LRBA: variants seen among roughly 807,000 people sequenced by gnomAD.
The protein encoded by LRBA is LPS responsive beige-like anchor protein, also known as lipopolysaccharide-responsive and beige-like anchor protein.
In LRBA, 176 loss-of-function variants were observed where a neutral mutation model predicts 330.0. That is an observed-to-expected ratio of 0.53 (90% CI 0.47 to 0.60). The LOEUF (loss-of-function observed/expected upper bound fraction) is 0.60. Among genes scored for constraint, LRBA ranks in the 20% least tolerant of loss-of-function variants. LRBA has a pLI of 0.00. For missense variants in LRBA, 3,259 were observed against 3,444.8 expected, an observed-to-expected ratio of 0.95 and a Z score of 1.35; for synonymous variants, 1,230 against 1,193.0, an observed-to-expected ratio of 1.03 and a Z score of -0.64.
chr4:150,825,974 AC>A (rs1323065303), intron 30 of LRBA, among the ~76,000 whole-genome samples: 1 of 152,118 alleles, frequency 6.6e-6, no homozygotes, highest in Admixed American at 6.5e-5. Flanking sequence ...AGGCAAAAAA[AC>A]AAACAAACAA....
chr4:150,502,130 G>T (rs773462882), intron 40 of LRBA, among the ~76,000 whole-genome samples: 10 of 152,188 alleles, frequency 6.6e-5, no homozygotes, highest in Non-Finnish European at 1.5e-4. Context: ...ACCAAGCTAT[G>T]AAAGAAAACA....
chr4:150,869,170 T>G (rs771495283), intron 20 of LRBA, among the ~76,000 whole-genome samples: 114 of 151,478 alleles, frequency 7.5e-4, no homozygotes, highest in Non-Finnish European at 8.7e-4. Flanking sequence ...CCACCTGCCT[T>G]GGCGTCCCAA....
At chr4:150,298,428 G>A (rs1219202566) in intron 53 of LRBA, among the ~76,000 whole-genome samples, 1 of 152,036 alleles carries the variant, frequency 6.6e-6, no homozygotes, top group African/African-American at 2.4e-5. Context: ...TAGCAGGAAT[G>A]TCTCATTAGG....
chr4:150,346,757 C>CCAAAAAAAAA (rs1206950764), intron 48 of LRBA, among the ~76,000 whole-genome samples: 2 of 66,136 alleles, frequency 3.0e-5, no homozygotes, highest in African/African-American at 1.6e-4. Flanking sequence ...GACTCTGTCT[C>CCAAAAAAAAA]AAAAAAAAAA....
chr4:150,505,577 A>G (rs1373952071), intron 40 of LRBA, among the ~76,000 whole-genome samples: 1 of 152,266 alleles, frequency 6.6e-6, no homozygotes, highest in Non-Finnish European at 1.5e-5. Flanking sequence ...ACACATTCAA[A>G]GCAGTGTGTA....
chr4:150,273,105 C>T (rs1470864084), intron 56 of LRBA, among the ~76,000 whole-genome samples: 6 of 152,256 alleles, frequency 3.9e-5, no homozygotes, highest in African/African-American at 4.8e-5. Flanking sequence ...AGACTAACAG[C>T]GGATCTCTCA....
chr4:150,962,821 GCATGTGC>G (rs1738297948), intron 2 of LRBA, among the ~76,000 whole-genome samples: 1 of 147,728 alleles, frequency 6.8e-6, no homozygotes, highest in Non-Finnish European at 1.5e-5. Flanking sequence ...GGGCGTGGTG[GCATGTGC>G]CTATAATCCC....
chr4:150,365,206 C>T (rs9307875), intron 47 of LRBA, among the ~76,000 whole-genome samples: 8,357 of 152,014 alleles, frequency 0.055, 386 homozygotes, highest in East Asian at 0.2. Context: ...AGAGTTTCAC[C>T]ATGTTGCCCA....
intron 2 of LRBA, among the ~76,000 whole-genome samples, chr4:150,996,327 A>C (rs1742641015): frequency 6.6e-6 from 1 of 152,192 alleles, no homozygotes; most frequent in Admixed American, 6.5e-5. Context: ...GCAAAATAGT[A>C]CTACTCTGAT....
At chr4:150,849,709 T>C (rs1440850033) in intron 24 of LRBA, 134 bp from the exon 25 acceptor site, 1 of 673,172 alleles carries the variant, frequency 1.5e-6, no homozygotes, top group Non-Finnish European at 2.6e-6. Flanking sequence ...GCAGCAGGCA[T>C]TTGGAGGGTG....
intron 40 of LRBA, among the ~76,000 whole-genome samples, chr4:150,543,062 T>C (rs1022219479): frequency 1.3e-5 from 2 of 152,198 alleles, no homozygotes; most frequent in Admixed American, 1.3e-4. Flanking sequence ...ACATATTTAT[T>C]AACTCAAGGG....
At chr4:150,355,063 T>G (rs1303460514) in intron 47 of LRBA, among the ~76,000 whole-genome samples, 1 of 151,968 alleles carries the variant, frequency 6.6e-6, no homozygotes, top group Non-Finnish European at 1.5e-5. Flanking sequence ...ATAAAAAGTG[T>G]TATATAAAAT....
intron 37 of LRBA, among the ~76,000 whole-genome samples, chr4:150,678,364 T>C (rs1382616389): frequency 4.6e-5 from 7 of 152,178 alleles, no homozygotes; most frequent in Non-Finnish European, 1.0e-4. Flanking sequence ...ATATAATACA[T>C]ACTACACAAG....
At chr4:150,984,950 GTAAT>G (rs1308831373) in intron 2 of LRBA, among the ~76,000 whole-genome samples, 1 of 152,138 alleles carries the variant, frequency 6.6e-6, no homozygotes, top group Non-Finnish European at 1.5e-5. Flanking sequence ...TCTTAAGAAA[GTAAT>G]TAAGCATTTT....
At chr4:150,447,396 C>A (rs1488524242) in intron 44 of LRBA, among the ~76,000 whole-genome samples, 1 of 152,118 alleles carries the variant, frequency 6.6e-6, no homozygotes, top group Non-Finnish European at 1.5e-5. Flanking sequence ...GAAGAAAATG[C>A]AGAGAAAGGA....
intron 30 of LRBA, among the ~76,000 whole-genome samples, chr4:150,824,546 G>A (rs1745950636): frequency 6.6e-6 from 1 of 152,094 alleles, no homozygotes; most frequent in South Asian, 2.1e-4. Flanking sequence ...ACTAGCTGTG[G>A]ATCTGTTCTT....
chr4:150,563,437 C>A (rs1227506902), intron 40 of LRBA, among the ~76,000 whole-genome samples: 1 of 152,090 alleles, frequency 6.6e-6, no homozygotes, highest in Non-Finnish European at 1.5e-5. Context: ...AAACCCATAG[C>A]CAATATCATA....
chr4:150,303,359 A>T (rs905417126), intron 52 of LRBA, among the ~76,000 whole-genome samples: 1 of 152,186 alleles, frequency 6.6e-6, no homozygotes, highest in African/African-American at 2.4e-5. Context: ...TGATGAAAGA[A>T]CTAATATATT....
At chr4:150,760,954 T>C (rs1354038741) in intron 35 of LRBA, among the ~76,000 whole-genome samples, 2 of 152,162 alleles carry the variant, frequency 1.3e-5, no homozygotes, top group Non-Finnish European at 2.9e-5. Flanking sequence ...CAAACCTTGA[T>C]TCCTAGATGC....
Sources: gnomAD v4.1 joint callset for allele counts (sites outside exome capture counted in the v4.1 genomes callset) on GRCh38, gnomAD v4.1.1 for gene constraint, MANE v1.5 for transcripts, NCBI Gene and HGNC (gene_info 2026-07-23, HGNC 2026-07-21) for gene names.